The following SYT1 variants were observed in gnomAD, a reference collection of about 807,000 sequenced individuals.
SYT1 encodes the protein synaptotagmin-1.
Under a neutral mutation model 44.8 loss-of-function variants are expected in SYT1, and 8 were observed. The ratio of observed to expected loss-of-function variants is 0.18; its 90% CI spans 0.10 to 0.32. SYT1 has a LOEUF of 0.32. Ranked by LOEUF, SYT1 falls within the 10% of genes least tolerant of loss-of-function variation. The pLI, the probability that SYT1 is intolerant of heterozygous loss-of-function variation, is 1.00. For missense variants in SYT1, 286 were observed against 509.3 expected, an observed-to-expected ratio of 0.56 and a Z score of 4.22; for synonymous variants, 154 against 188.8, an observed-to-expected ratio of 0.82 and a Z score of 1.51.
intron 2 of SYT1, among the ~76,000 whole-genome samples, chr12:79,002,906 G>A (rs1291449382): frequency 6.6e-6 from 1 of 152,034 alleles, no homozygotes; most frequent in East Asian, 1.9e-4. Flanking sequence ...TGAGTACAAG[G>A]ATCTTTTATT....
intron 1 of SYT1, among the ~76,000 whole-genome samples, chr12:78,950,617 G>A (rs1878914287): frequency 6.6e-6 from 1 of 151,968 alleles, no homozygotes; most frequent in Non-Finnish European, 1.5e-5. Context: ...CATAATATAC[G>A]GCAAAACAAA....
At chr12:79,376,718 G>A (rs1260131455) in intron 9 of SYT1, among the ~76,000 whole-genome samples, 3 of 152,170 alleles carry the variant, frequency 2.0e-5, no homozygotes, top group African/African-American at 7.2e-5. Flanking sequence ...TTACATTGCA[G>A]TGAGCTGGAA....
chr12:79,213,920 T>A (rs867957317), intron 3 of SYT1, among the ~76,000 whole-genome samples: 1 of 152,240 alleles, frequency 6.6e-6, no homozygotes, highest in Middle Eastern at 3.4e-3. Flanking sequence ...ATACTGTGTC[T>A]CAAAAAAATA....
At chr12:79,361,616 C>T (rs1287915247) in intron 9 of SYT1, among the ~76,000 whole-genome samples, 1 of 152,166 alleles carries the variant, frequency 6.6e-6, no homozygotes, top group Non-Finnish European at 1.5e-5. Flanking sequence ...TCAACAAGTC[C>T]ATAACACCAG....
At chr12:79,157,229 AC>A (rs1393965289) in intron 3 of SYT1, among the ~76,000 whole-genome samples, 2 of 152,144 alleles carry the variant, frequency 1.3e-5, no homozygotes, top group East Asian at 3.9e-4. Flanking sequence ...TTGCAAGGGA[AC>A]TTTTTAGCAG....
At chr12:79,055,477 A>G (rs1440874326) in intron 3 of SYT1, among the ~76,000 whole-genome samples, 3 of 151,974 alleles carry the variant, frequency 2.0e-5, no homozygotes, top group Non-Finnish European at 4.4e-5. Flanking sequence ...ATTAGTTTTG[A>G]TCTGCTATAA....
chr12:78,931,321 G>T (rs1347523158), intron 1 of SYT1, among the ~76,000 whole-genome samples: 1 of 27,824 alleles, frequency 3.6e-5, no homozygotes, highest in East Asian at 1.5e-3. Flanking sequence ...GGGAGGGAGG[G>T]AGGGAGGGAG....
chr12:78,878,055 C>T (rs544634281), intron 1 of SYT1, among the ~76,000 whole-genome samples: 3 of 151,922 alleles, frequency 2.0e-5, no homozygotes, highest in South Asian at 2.1e-4. Context: ...AGCAGATTCA[C>T]GTCAGTTGGC....
chr12:78,983,099 T>G (rs894458543), intron 2 of SYT1, among the ~76,000 whole-genome samples: 1 of 151,718 alleles, frequency 6.6e-6, no homozygotes, highest in East Asian at 1.9e-4. Flanking sequence ...TTTTTTTTTT[T>G]CAGTCAGTAA....
At chr12:79,379,905 G>A (rs951460745) in intron 9 of SYT1, among the ~76,000 whole-genome samples, 1 of 152,076 alleles carries the variant, frequency 6.6e-6, no homozygotes, top group African/African-American at 2.4e-5. Flanking sequence ...GAGGAAACAA[G>A]CCTAAGGAAA....
chr12:79,254,192 A>G lies in SYT1; in HGVS notation c.167-31595A>G, dbSNP rs749003918. ...AGTCAATGCCTGGTTTCAAAGTTTC[A>G]AAGGACAGGCTGACTCTTAGTAGGG... On this transcript the variant is annotated intron_variant, in intron 4 of 10. Transcript: ENST00000261205. Among the ~76,000 whole-genome samples the G allele has an allele frequency of 1.3e-5, 2 of 152,174 alleles. 1 individual carries two copies. Among genetic ancestry groups the G allele is most frequent in the Non-Finnish European group, 2.9e-5 (2 of 68,028 alleles).
intron 9 of SYT1, among the ~76,000 whole-genome samples, chr12:79,432,502 T>C (rs901148979): frequency 6.6e-6 from 1 of 152,130 alleles, no homozygotes; most frequent in African/African-American, 2.4e-5. Context: ...CTTTTTCTAA[T>C]GGGAGAAAAC....
chr12:78,917,342 A>T (rs759185876), intron 1 of SYT1, among the ~76,000 whole-genome samples: 2 of 151,950 alleles, frequency 1.3e-5, no homozygotes, highest in Admixed American at 1.3e-4. Context: ...ATGTATCCCA[A>T]TTAGTTTCCA....
chr12:79,095,312 CT>C (rs1379389595), intron 3 of SYT1, among the ~76,000 whole-genome samples: 1 of 151,890 alleles, frequency 6.6e-6, no homozygotes, highest in African/African-American at 2.4e-5. Flanking sequence ...AAGTTTTAAA[CT>C]TTGGAGCCCA....
At chr12:79,117,696 TATATATATATATATATATAA>T (rs1459224283) in intron 3 of SYT1, among the ~76,000 whole-genome samples, 19 of 86,702 alleles carry the variant, frequency 2.2e-4, no homozygotes, top group African/African-American at 8.3e-4. Context: ...TATATATATA[TATATATATATATATATATAA>T]AATAAATAGG....
chr12:79,284,431 C>G (rs902223819), intron 4 of SYT1, among the ~76,000 whole-genome samples: 2 of 152,124 alleles, frequency 1.3e-5, no homozygotes, highest in Non-Finnish European at 2.9e-5. Flanking sequence ...CACTAAACTC[C>G]CCTCTGTGTA....
intron 8 of SYT1, among the ~76,000 whole-genome samples, chr12:79,327,388 C>T (rs1881653755): frequency 6.6e-6 from 1 of 152,168 alleles, no homozygotes; most frequent in Admixed American, 6.5e-5. Flanking sequence ...AGCTATAGGA[C>T]TGTTAAGTCA....
chr12:78,915,249 A>G (rs1876581696), intron 1 of SYT1, among the ~76,000 whole-genome samples: 1 of 152,038 alleles, frequency 6.6e-6, no homozygotes, highest in Non-Finnish European at 1.5e-5. Flanking sequence ...CTGCTACAGA[A>G]GCATCTGCAG....
intron 8 of SYT1, among the ~76,000 whole-genome samples, chr12:79,342,847 C>T (rs1023544994): frequency 2.0e-5 from 3 of 152,098 alleles, no homozygotes; most frequent in Non-Finnish European, 2.9e-5. Context: ...GAGTCTAAAA[C>T]GAGTGTGAGA....
Sources: gnomAD v4.1 joint callset for allele counts (sites outside exome capture counted in the v4.1 genomes callset) on GRCh38, gnomAD v4.1.1 for gene constraint, MANE v1.5 for transcripts, NCBI Gene and HGNC (gene_info 2026-07-23, HGNC 2026-07-21) for gene names.